HOXD4: variants seen among roughly 807,000 people sequenced by gnomAD.
The protein encoded by HOXD4 is homeobox D4, also known as homeobox protein Hox-D4.
Under a neutral mutation model 22.6 loss-of-function variants are expected in HOXD4, and 15 were observed. The ratio of observed to expected loss-of-function variants is 0.67; its 90% CI spans 0.45 to 1.02. The LOEUF is 1.02. Among genes scored for constraint, HOXD4 ranks in the 50% least tolerant of loss-of-function variants. HOXD4 has a pLI of 0.00. For missense variants in HOXD4, 350 were observed against 346.6 expected, an observed-to-expected ratio of 1.01 and a Z score of -0.08; for synonymous variants, 176 against 157.0, an observed-to-expected ratio of 1.12 and a Z score of -0.90.
chr2:176,153,094 GCCC>G lies in HOXD4; in HGVS notation c.*153_*155del. 2.3e-6 allele frequency: 1 copy of G among 444,142 alleles called. No homozygotes were observed. Among genetic ancestry groups the G allele is most frequent in the Admixed American group, 3.2e-5 (1 of 31,466 alleles). 27.5% of individuals were successfully genotyped at this position (444,142 alleles called of 1,614,324 possible). On this transcript the variant is annotated 3_prime_UTR_variant, in exon 2 of 2. Transcript: ENST00000306324. ...CGCCCTCGGACTAGGTTAGCATCCT[GCCC>G]GAGGGCAGCCCCCTCCCTAGAGCGG...
At position 176,151,957 on chromosome 2, in the gene HOXD4, T is replaced by A. The variant is rs1040669128; in HGVS notation, c.324T>A (p.Pro108=). The A allele has an allele frequency of 2.5e-6, 4 of 1,611,214 alleles. No individual in the cohort carries two copies. The highest frequency in any genetic ancestry group is 3.4e-6 in the Non-Finnish European group (4 of 1,178,720). The change falls in exon 1 of 2, where the codon CCT becomes CCA. Residue 108 remains proline, a synonymous_variant. Transcript: ENST00000306324. ...APPAPPPAPL[P]GARAYSQSDP... ...CGGCGCCTCCGCCGGCGCCCCTGCC[T>A]GGCGCCCGGGCCTACAGTCAGTCCG...
chr2:176,152,454 C>T lies in HOXD4; in HGVS notation c.434-154C>T, dbSNP rs1690555899. Among the ~76,000 whole-genome samples the T allele has an allele frequency of 1.1e-5, 1 of 90,808 alleles. No individual in the cohort carries two copies. The highest frequency in any genetic ancestry group is 3.8e-4 in the South Asian group (1 of 2,630). The allele number at this position is 90,808 out of a possible 152,430, so 59.6% of individuals were successfully genotyped here. On this transcript the variant is annotated intron_variant, in intron 1 of 1. Coordinates refer to ENST00000306324, the MANE Select transcript of HOXD4 (RefSeq NM_014621.3). This position sits in a 1 kb window ranked among gnomAD's most constrained non-coding sequence, Gnocchi z 5.2. Reference sequence around the variant, plus strand: ...GGTGGGTGGGAGTGAGCGTGTGCGCCGGGGAGAGGGCGGGAGGGAGGAAGC... The same window carrying T: ...GGTGGGTGGGAGTGAGCGTGTGCGCTGGGGAGAGGGCGGGAGGGAGGAAGC...
In HOXD4 at chr2:176,152,486, G is replaced by C. The variant is rs1435664518; in HGVS notation, c.434-122G>C. On this transcript the variant is annotated intron_variant, in intron 1 of 1. Transcript: ENST00000306324. This position sits in a 1 kb window ranked among gnomAD's most constrained non-coding sequence, Gnocchi z 5.2. ...AGGGCGGGAGGGAGGAAGCAAGCGA[G>C]CTTGGGAGCGCGCGGGGAGGGCCGC... The C allele has an allele frequency of 1.2e-6, 1 of 809,490 alleles. No individual in the cohort carries two copies. Among genetic ancestry groups the C allele is most frequent in the Non-Finnish European group, 2.1e-6 (1 of 477,746 alleles). 50.1% of individuals were successfully genotyped at this position (809,490 alleles called of 1,614,324 possible).
At position 176,152,585 on chromosome 2, in the gene HOXD4, G is replaced by C. The variant is rs766605525; in HGVS notation, c.434-23G>C. ...CTAGTGGCCGGGCGCTGACCTGCCTGTCCTGTCTGTTTTGTCTCGCAGTGA... is the reference window on the plus strand; with the variant it reads ...CTAGTGGCCGGGCGCTGACCTGCCTCTCCTGTCTGTTTTGTCTCGCAGTGA... On this transcript the variant is annotated intron_variant, in intron 1 of 1. Transcript: ENST00000306324. The surrounding 1 kb of genome is among the most constrained non-coding windows in gnomAD (Gnocchi z 5.2). 6.2e-7 allele frequency: 1 copy of C among 1,604,668 alleles called. No homozygotes were observed. The highest frequency in any genetic ancestry group is 8.5e-7 in the Non-Finnish European group (1 of 1,171,810).
chr2:176,152,840 A>G lies in HOXD4; in HGVS notation c.666A>G (p.Ser222=). The part of the protein sequence containing the change: ...DHKLPNTKGR[S]SSSSSSSSCS... ...AGCTGCCCAACACTAAAGGCAGGTC[A>G]TCGTCCTCATCTTCCTCCTCATCTT... The change falls in exon 2 of 2, where the codon TCA becomes TCG. Residue 222 remains serine, a synonymous_variant. Transcript: ENST00000306324. The surrounding 1 kb of genome is among the most constrained non-coding windows in gnomAD (Gnocchi z 5.2). 1 of 1,614,178 alleles carries G rather than the reference A, an allele frequency of 6.2e-7. No individual in the cohort carries two copies. The highest frequency in any genetic ancestry group is 8.5e-7 in the Non-Finnish European group (1 of 1,180,024).
At position 176,152,711 on chromosome 2, in the gene HOXD4, G is replaced by A. The variant is rs758215164; in HGVS notation, c.537G>A (p.Leu179=). Residue 179 remains leucine (L), a synonymous_variant, in exon 2 of 2, where the codon CTG becomes CTA. Transcript: ENST00000306324. The surrounding 1 kb of genome is among the most constrained non-coding windows in gnomAD (Gnocchi z 5.2). ...LEKEFHFNRY[L]TRRRRIEIAH... is the part of the protein sequence containing the mutation. ...AAGAATTTCATTTTAACAGGTATCT[G>A]ACAAGGCGCCGTCGGATTGAAATCG... 1 of 1,614,198 alleles carries A rather than the reference G, an allele frequency of 6.2e-7. No individual in the cohort carries two copies.
In HOXD4 at chr2:176,152,780, C is replaced by G; in HGVS notation, c.606C>G (p.Phe202Leu). Residue 202 changes from phenylalanine to leucine, a missense_variant, in exon 2 of 2, where the codon TTC becomes TTG. Transcript: ENST00000306324. This position sits in a 1 kb window ranked among gnomAD's most constrained non-coding sequence, Gnocchi z 5.2. The stretch of plus-strand genomic sequence containing the variant: ...CGGAGCGCCAGATCAAGATCTGGTT[C>G]CAGAACCGGAGGATGAAGTGGAAAA... ...CLSERQIKIW[F>L]QNRRMKWKKD... is the part of the protein sequence containing the mutation. 1 of 1,614,190 alleles carries G rather than the reference C, an allele frequency of 6.2e-7. No homozygotes were observed. Among genetic ancestry groups the G allele is most frequent in the Non-Finnish European group, 8.5e-7 (1 of 1,180,022 alleles).
At position 176,151,869 on chromosome 2, in the gene HOXD4, G is replaced by T; in HGVS notation, c.236G>T (p.Gly79Val). ...PGSALPARGH[G>V]QEPGGPGGHY... ...TCGGCGCTGCCTGCGCGGGGTCACGGACAAGAGCCAGGCGGCCCCGGCGGT... is the reference window on the plus strand; with the variant it reads ...TCGGCGCTGCCTGCGCGGGGTCACGTACAAGAGCCAGGCGGCCCCGGCGGT... The change falls in exon 1 of 2, where the codon GGA becomes GTA. Residue 79 changes from glycine (G) to valine (V), a missense_variant. Coordinates refer to ENST00000306324, the MANE Select transcript of HOXD4 (RefSeq NM_014621.3). 1 of 1,586,788 alleles carries T rather than the reference G, an allele frequency of 6.3e-7. No homozygotes were observed. Among genetic ancestry groups the T allele is most frequent in the Non-Finnish European group, 8.6e-7 (1 of 1,166,270 alleles).
rs778819565 is a variant in HOXD4 at position 176,152,619 on chromosome 2, T to C, written c.445T>C (p.Tyr149His). 1 of 1,613,862 alleles carries C rather than the reference T, an allele frequency of 6.2e-7. No homozygotes were observed. Among genetic ancestry groups the C allele is most frequent in the Non-Finnish European group, 8.5e-7 (1 of 1,179,824 alleles). ...KVHVNSVNPN[Y>H]TGGEPKRSRT... ...GTTTTGTCTCGCAGTGAACCCCAAC[T>C]ACACCGGTGGGGAACCCAAGCGGTC... The change falls in exon 2 of 2, where the codon TAC (tyrosine) becomes CAC (histidine). Residue 149 changes from tyrosine (Y) to histidine (H), a missense_variant. By Grantham distance (83) the Tyr-to-His change is moderately conservative (BLOSUM62 2). Coordinates refer to ENST00000306324, the MANE Select transcript of HOXD4 (RefSeq NM_014621.3). This position sits in a 1 kb window ranked among gnomAD's most constrained non-coding sequence, Gnocchi z 5.2.
At position 176,152,768 on chromosome 2, in the gene HOXD4, C is replaced by T; in HGVS notation, c.594C>T (p.Ile198=). The part of the protein sequence containing the change: ...AHTLCLSERQ[I]KIWFQNRRMK... ...CCCTGTGTCTGTCGGAGCGCCAGAT[C>T]AAGATCTGGTTCCAGAACCGGAGGA... Residue 198 remains isoleucine, a synonymous_variant, in exon 2 of 2, where the codon ATC becomes ATT. Coordinates refer to ENST00000306324, the MANE Select transcript of HOXD4 (RefSeq NM_014621.3). This position sits in a 1 kb window ranked among gnomAD's most constrained non-coding sequence, Gnocchi z 5.2. 6.2e-7 allele frequency: 1 copy of T among 1,614,196 alleles called. No homozygotes were observed. Among genetic ancestry groups the T allele is most frequent in the South Asian group, 1.1e-5 (1 of 91,082 alleles).
chr2:176,152,737 C>T lies in HOXD4; in HGVS notation c.563C>T (p.Ala188Val). The change falls in exon 2 of 2, where the codon GCT becomes GTT. Residue 188 changes from alanine (A) to valine (V), a missense_variant. Coordinates refer to ENST00000306324, the MANE Select transcript of HOXD4 (RefSeq NM_014621.3). The surrounding 1 kb of genome is among the most constrained non-coding windows in gnomAD (Gnocchi z 5.2). Reference protein sequence around the residue: ...YLTRRRRIEIAHTLCLSERQI... With the variant: ...YLTRRRRIEIVHTLCLSERQI... Reference sequence around the variant, plus strand: ...ACAAGGCGCCGTCGGATTGAAATCGCTCACACCCTGTGTCTGTCGGAGCGC... The same window carrying T: ...ACAAGGCGCCGTCGGATTGAAATCGTTCACACCCTGTGTCTGTCGGAGCGC... 2 of 1,614,172 alleles carry T rather than the reference C, an allele frequency of 1.2e-6. No individual in the cohort carries two copies. Among genetic ancestry groups the T allele is most frequent in the Non-Finnish European group, 1.7e-6 (2 of 1,180,018 alleles).
In HOXD4 at chr2:176,151,968, C is replaced by T. The variant is rs755880982; in HGVS notation, c.335C>T (p.Ala112Val). ...PPPAPLPGAR[A>V]YSQSDPKQPP... The stretch of plus-strand genomic sequence containing the variant: ...CCGGCGCCCCTGCCTGGCGCCCGGG[C>T]CTACAGTCAGTCCGACCCCAAGCAG... Residue 112 changes from alanine (A) to valine (V), a missense_variant, in exon 1 of 2, where the codon GCC (alanine) becomes GTC (valine). Coordinates refer to ENST00000306324, the MANE Select transcript of HOXD4 (RefSeq NM_014621.3). 10 of 1,612,850 alleles carry T rather than the reference C, an allele frequency of 6.2e-6. No individual in the cohort carries two copies. The Admixed American group carries it at 1.5e-4, about 24-fold the overall frequency.
In HOXD4 at chr2:176,152,843, G is replaced by T. The variant is rs1238996035; in HGVS notation, c.669G>T (p.Ser223=). 6.2e-7 allele frequency: 1 copy of T among 1,614,170 alleles called. No individual in the cohort carries two copies. Among genetic ancestry groups the T allele is most frequent in the Non-Finnish European group, 8.5e-7 (1 of 1,180,030 alleles). ...TGCCCAACACTAAAGGCAGGTCATC[G>T]TCCTCATCTTCCTCCTCATCTTGCT... ...HKLPNTKGRS[S]SSSSSSSCSS... is the part of the protein sequence containing the mutation. Residue 223 remains serine, a synonymous_variant, in exon 2 of 2, where the codon TCG becomes TCT. Transcript: ENST00000306324. The surrounding 1 kb of genome is among the most constrained non-coding windows in gnomAD (Gnocchi z 5.2).
In HOXD4 at chr2:176,152,071, G is replaced by C; in HGVS notation, c.433+5G>C. On this transcript the variant is annotated splice_donor_5th_base_variant and intron_variant, in intron 1 of 1. Transcript: ENST00000306324. This position sits in a 1 kb window ranked among gnomAD's most constrained non-coding sequence, Gnocchi z 5.2. ...AGAAGGTGCACGTGAATTCGGGTAA[G>C]GCTAGGGTCCAGTAACCTTTCTGTC... 1 of 1,612,962 alleles carries C rather than the reference G, an allele frequency of 6.2e-7. No homozygotes were observed. Among genetic ancestry groups the C allele is most frequent in the Non-Finnish European group, 8.5e-7 (1 of 1,179,350 alleles).
chr2:176,152,988 C>G lies in HOXD4; in HGVS notation c.*46C>G, dbSNP rs766559351. ...TCTCTCCCTGCGCACCAGGCTGAGCCGAAGCTGCGGGGGCAGGCCGGGCCT... is the reference window on the plus strand; with the variant it reads ...TCTCTCCCTGCGCACCAGGCTGAGCGGAAGCTGCGGGGGCAGGCCGGGCCT... On this transcript the variant is annotated 3_prime_UTR_variant, in exon 2 of 2. Coordinates refer to ENST00000306324, the MANE Select transcript of HOXD4 (RefSeq NM_014621.3). This position sits in a 1 kb window ranked among gnomAD's most constrained non-coding sequence, Gnocchi z 5.2. The G allele has an allele frequency of 7.6e-6, 12 of 1,584,442 alleles. No homozygotes were observed. The South Asian group carries it at 1.3e-4, about 18-fold the overall frequency.
Position 176,151,740 on chromosome 2 carries a change from A to C in HOXD4, c.107A>C (p.Tyr36Ser). ...GGYLGEQGAD[Y>S]YGGGAQGADF... ...TACCTAGGCGAGCAGGGCGCCGACT[A>C]CTACGGCGGCGGCGCGCAGGGCGCA... The change falls in exon 1 of 2, where the codon TAC becomes TCC. Residue 36 changes from tyrosine (Y) to serine (S), a missense_variant. Transcript: ENST00000306324. 2.5e-6 allele frequency: 4 copies of C among 1,613,068 alleles called. No homozygotes were observed. The highest frequency in any genetic ancestry group is 3.4e-6 in the Non-Finnish European group (4 of 1,179,886).
rs929587910 is a variant in HOXD4, at chr2:176,152,054, C to A, written c.421C>A (p.His141Asn). Reference sequence around the variant, plus strand: ...GGTCTACCCCTGGATGAAGAAGGTGCACGTGAATTCGGGTAAGGCTAGGGT... The same window carrying A: ...GGTCTACCCCTGGATGAAGAAGGTGAACGTGAATTCGGGTAAGGCTAGGGT... ...AVVYPWMKKV[H>N]VNSVNPNYTG... Residue 141 changes from histidine (H) to asparagine (N), a missense_variant, in exon 1 of 2, where the codon CAC (histidine) becomes AAC (asparagine). Physicochemically the swap from His to Asn is moderately conservative, Grantham distance 68. Coordinates refer to ENST00000306324, the MANE Select transcript of HOXD4 (RefSeq NM_014621.3). This position sits in a 1 kb window ranked among gnomAD's most constrained non-coding sequence, Gnocchi z 5.2. The A allele has an allele frequency of 8.1e-6, 13 of 1,613,220 alleles. No individual in the cohort carries two copies. In the African/African-American group the frequency reaches 9.3e-5, roughly 12 times the overall value.
chr2:176,152,834 C>G lies in HOXD4; in HGVS notation c.660C>G (p.Gly220=), dbSNP rs748948876. 1.2e-6 allele frequency: 2 copies of G among 1,614,080 alleles called. No homozygotes were observed. The highest frequency in any genetic ancestry group is 1.7e-5 in the Admixed American group (1 of 60,014). The part of the protein sequence containing the change: ...KKDHKLPNTK[G]RSSSSSSSSS... ...ATCATAAGCTGCCCAACACTAAAGG[C>G]AGGTCATCGTCCTCATCTTCCTCCT... Residue 220 remains glycine, a synonymous_variant, in exon 2 of 2, where the codon GGC becomes GGG. Coordinates refer to ENST00000306324, the MANE Select transcript of HOXD4 (RefSeq NM_014621.3). This position sits in a 1 kb window ranked among gnomAD's most constrained non-coding sequence, Gnocchi z 5.2.
In HOXD4 at chr2:176,151,759, G is replaced by T; in HGVS notation, c.126G>T (p.Gln42His). ...QGADYYGGGA[Q>H]GADFQPPGLY... ...CCGACTACTACGGCGGCGGCGCGCA[G>T]GGCGCAGACTTCCAGCCCCCGGGGC... Residue 42 changes from glutamine (Q) to histidine (H), a missense_variant, in exon 1 of 2, where the codon CAG becomes CAT. Coordinates refer to ENST00000306324, the MANE Select transcript of HOXD4 (RefSeq NM_014621.3). 1 of 1,612,916 alleles carries T rather than the reference G, an allele frequency of 6.2e-7. No homozygotes were observed. Among genetic ancestry groups the T allele is most frequent in the Non-Finnish European group, 8.5e-7 (1 of 1,179,882 alleles).
Sources: allele counts gnomAD v4.1 joint callset (sites outside exome capture counted in the v4.1 genomes callset), GRCh38; gene constraint gnomAD v4.1.1; non-coding constraint Gnocchi (gnomAD v3.1); transcripts MANE v1.5; gene names NCBI Gene and HGNC (gene_info 2026-07-23, HGNC 2026-07-21).